Variants in CAMTA1 observed in about 807,000 individuals in gnomAD.
CAMTA1 encodes the protein calmodulin-binding transcription activator 1.
CAMTA1 carries 27 observed loss-of-function variants against 170.9 expected under a neutral mutation model. The observed-to-expected ratio is 0.16, with a 90% confidence interval of 0.12 to 0.22. The LOEUF (loss-of-function observed/expected upper bound fraction) is 0.22, where lower values mean the gene tolerates loss of function less well. Ranked by LOEUF, CAMTA1 falls within the 10% of genes least tolerant of loss-of-function variation. CAMTA1 has a pLI of 1.00. For synonymous variants in CAMTA1, 833 were observed against 891.5 expected, an observed-to-expected ratio of 0.93 and a Z score of 1.17; for missense variants, 1,619 against 2,217.2, an observed-to-expected ratio of 0.73 and a Z score of 5.42.
chr1:7,419,818 C>G (rs2091440228), intron 5 of CAMTA1, among the ~76,000 whole-genome samples: 1 of 152,172 alleles, frequency 6.6e-6, no homozygotes, highest in Non-Finnish European at 1.5e-5. Flanking sequence ...TCAGCATCAT[C>G]CATGGCCCAC....
At chr1:7,214,135 G>T (rs972075763) in intron 4 of CAMTA1, among the ~76,000 whole-genome samples, 1 of 152,140 alleles carries the variant, frequency 6.6e-6, no homozygotes, top group Non-Finnish European at 1.5e-5. Flanking sequence ...GCAATGGGAT[G>T]GGTGGGTCAA....
chr1:7,038,442 G>C (rs774073716), intron 3 of CAMTA1, among the ~76,000 whole-genome samples: 1 of 152,184 alleles, frequency 6.6e-6, no homozygotes, highest in Non-Finnish European at 1.5e-5. Flanking sequence ...TCAATTTAAA[G>C]ATTTCAAACG....
intron 3 of CAMTA1, among the ~76,000 whole-genome samples, chr1:6,943,424 A>T (rs1008864786): frequency 2.0e-5 from 3 of 152,148 alleles, no homozygotes; most frequent in African/African-American, 7.2e-5. Flanking sequence ...CCTGTCCTGC[A>T]CCAGAAATAG....
intron 5 of CAMTA1, among the ~76,000 whole-genome samples, chr1:7,412,474 C>G (rs941992325): frequency 6.6e-6 from 1 of 152,138 alleles, no homozygotes; most frequent in Non-Finnish European, 1.5e-5. Context: ...GATGGTATCT[C>G]ATTGTGGTTT....
At chr1:7,005,241 G>A (rs1698809918) in intron 3 of CAMTA1, among the ~76,000 whole-genome samples, 2 of 152,156 alleles carry the variant, frequency 1.3e-5, no homozygotes, top group South Asian at 4.1e-4. Flanking sequence ...TGGCTTTTGG[G>A]CCATCAAGTG....
At chr1:6,842,275 G>A (rs1656097123) in intron 3 of CAMTA1, among the ~76,000 whole-genome samples, 1 of 152,222 alleles carries the variant, frequency 6.6e-6, no homozygotes, top group African/African-American at 2.4e-5. Context: ...CTTAAAGGGT[G>A]TTTAGGAACA....
At chr1:6,843,108 A>G (rs922201844) in intron 3 of CAMTA1, among the ~76,000 whole-genome samples, 15 of 152,230 alleles carry the variant, frequency 9.9e-5, no homozygotes. Context: ...CTGGTAGGGC[A>G]CAGTTTGTTC....
At chr1:6,882,583 G>A (rs780082743) in intron 3 of CAMTA1, among the ~76,000 whole-genome samples, 1 of 152,086 alleles carries the variant, frequency 6.6e-6, no homozygotes, top group Non-Finnish European at 1.5e-5. Flanking sequence ...CAGCAGGTTG[G>A]GGAGGAGGGG....
rs1211362235 is a variant in CAMTA1 at position 7,682,045 on chromosome 1, CTA to C, written c.2914+4314_2914+4315del. 9.2e-5 allele frequency among the ~76,000 whole-genome samples: 14 copies of C among 151,970 alleles called. 1 individual carries two copies. In the South Asian group the frequency reaches 2.9e-3, roughly 32 times the overall value. On this transcript the variant is annotated intron_variant, in intron 11 of 22. Coordinates refer to ENST00000303635, the MANE Select transcript of CAMTA1 (RefSeq NM_015215.4). The surrounding 1 kb of genome is among the most constrained non-coding windows in gnomAD (Gnocchi z 5.0). The stretch of plus-strand genomic sequence containing the variant: ...CCACTAAGCCGCTTAGACTTAGACT[CTA>C]TTTTCAGTGCTTCTCAGGCAACTGA...
intron 4 of CAMTA1, among the ~76,000 whole-genome samples, chr1:7,126,739 A>G (rs975427612): frequency 4.6e-5 from 7 of 152,160 alleles, no homozygotes; most frequent in African/African-American, 1.7e-4. Context: ...CTGTCTGCCC[A>G]TGCTTTTCTG....
rs566181689 is a variant in CAMTA1, at chr1:7,300,276, C to A, written c.438+50650C>A. ...ACCCTGGCACAGAATCACCCTGGTCCCCACTCTGGTCCTCCCTTCCAGGCT... is the reference window on the plus strand; with the variant it reads ...ACCCTGGCACAGAATCACCCTGGTCACCACTCTGGTCCTCCCTTCCAGGCT... On this transcript the variant is annotated intron_variant, in intron 5 of 22. Coordinates refer to ENST00000303635, the MANE Select transcript of CAMTA1 (RefSeq NM_015215.4). This position sits in a 1 kb window ranked among gnomAD's most constrained non-coding sequence, Gnocchi z 4.1. Among the ~76,000 whole-genome samples, 1 of 152,200 alleles carries A rather than the reference C, an allele frequency of 6.6e-6. No homozygotes were observed. Among genetic ancestry groups the A allele is most frequent in the African/African-American group, 2.4e-5 (1 of 41,444 alleles).
Position 6,856,667 on chromosome 1 carries a change from A to G in CAMTA1, c.234+31457A>G, listed in dbSNP as rs533023710. Among the ~76,000 whole-genome samples, 4 of 152,346 alleles carry G rather than the reference A, an allele frequency of 2.6e-5. 1 individual carries two copies. The South Asian group carries it at 8.3e-4, about 32-fold the overall frequency. The stretch of plus-strand genomic sequence containing the variant: ...GATAATTAATTATAAGAATGGGTAC[A>G]TACTTACACAGTGCTATAAAGGGTG... On this transcript the variant is annotated intron_variant, in intron 3 of 22. Coordinates refer to ENST00000303635, the MANE Select transcript of CAMTA1 (RefSeq NM_015215.4).
At chr1:7,170,777 T>A (rs751994712) in intron 4 of CAMTA1, among the ~76,000 whole-genome samples, 5 of 152,064 alleles carry the variant, frequency 3.3e-5, no homozygotes, top group Non-Finnish European at 7.4e-5. Context: ...ACATATAGGG[T>A]TTTTTCTGGG....
rs754943704 is a variant in CAMTA1, at chr1:7,664,541, G to A, written c.1994G>A (p.Arg665Gln). Residue 665 changes from arginine to glutamine, a missense_variant, in exon 9 of 23, where the codon CGG becomes CAG. Physicochemically the swap from Arg to Gln is conservative, Grantham distance 43. Transcript: ENST00000303635. ...TSSCSGHVET[R>Q]IESTSSLHLM... ...TCCTGCAGCGGTCACGTGGAGACGC[G>A]GATCGAGTCCACTTCCTCCCTCCAC... The A allele has an allele frequency of 1.4e-5, 23 of 1,613,096 alleles. No individual in the cohort carries two copies. In the East Asian group the frequency reaches 1.6e-4, roughly 11 times the overall value.
chr1:7,253,297 G>A (rs951182348), intron 5 of CAMTA1, among the ~76,000 whole-genome samples: 3 of 152,144 alleles, frequency 2.0e-5, no homozygotes, highest in Non-Finnish European at 2.9e-5. Context: ...CTTTGTGGTC[G>A]GATGAGCTGA....
intron 9 of CAMTA1, among the ~76,000 whole-genome samples, chr1:7,668,651 T>C (rs1038912698): frequency 1.3e-5 from 2 of 152,040 alleles, no homozygotes; most frequent in African/African-American, 4.8e-5. Flanking sequence ...CACCACCAGT[T>C]CAGCGCAGCC....
chr1:7,441,893 T>C (rs1258493610), intron 5 of CAMTA1, among the ~76,000 whole-genome samples: 1 of 152,182 alleles, frequency 6.6e-6, no homozygotes, highest in Non-Finnish European at 1.5e-5. Flanking sequence ...CTGCCTCCCC[T>C]GCCCAAAGCG....
intron 3 of CAMTA1, among the ~76,000 whole-genome samples, chr1:6,870,392 C>T (rs1668063524): frequency 6.6e-6 from 1 of 152,048 alleles, no homozygotes; most frequent in Non-Finnish European, 1.5e-5. Flanking sequence ...CTTTAGGGCA[C>T]TAACACTCGG....
At chr1:7,714,205 A>G (rs894927538) in intron 11 of CAMTA1, among the ~76,000 whole-genome samples, 32 of 152,258 alleles carry the variant, frequency 2.1e-4, no homozygotes, top group Non-Finnish European at 4.3e-4. Context: ...TGACCTGCAG[A>G]AGAGAATGTT....
Sources: gnomAD v4.1 joint callset for allele counts (sites outside exome capture counted in the v4.1 genomes callset) on GRCh38, gnomAD v4.1.1 for gene constraint, Gnocchi (gnomAD v3.1) non-coding constraint, MANE v1.5 for transcripts, NCBI Gene and HGNC (gene_info 2026-07-23, HGNC 2026-07-21) for gene names.